The following CDC16 variants were observed in gnomAD, a reference collection of about 807,000 sequenced individuals.
CDC16 encodes the protein cell division cycle 16.
Under a neutral mutation model 87.0 loss-of-function variants are expected in CDC16, and 34 were observed. The observed-to-expected ratio is 0.39, with a 90% confidence interval of 0.30 to 0.52. The LOEUF (loss-of-function observed/expected upper bound fraction) is 0.52. Among genes scored for constraint, CDC16 ranks in the 20% least tolerant of loss-of-function variants. The pLI is 0.74. For missense variants in CDC16, 653 were observed against 751.9 expected, an observed-to-expected ratio of 0.87 and a Z score of 1.54; for synonymous variants, 263 against 260.6, an observed-to-expected ratio of 1.01 and a Z score of -0.09.
intron 6 of CDC16, among the ~76,000 whole-genome samples, 185 bp from the exon 7 acceptor site, chr13:114,243,072 C>T (rs1346001543): frequency 1.3e-5 from 2 of 152,184 alleles, no homozygotes; most frequent in Admixed American, 1.3e-4. Context: ...CCTCCACCCA[C>T]CAGATGATTC....
chr13:114,272,245 A>G lies in CDC16; in HGVS notation c.1665A>G (p.Leu555=). The G allele has an allele frequency of 6.2e-7, 1 of 1,611,034 alleles. No individual in the cohort carries two copies. Residue 555 remains leucine, a synonymous_variant, in exon 18 of 18, where the codon CTA becomes CTG. Transcript: ENST00000356221. ...YDFDVHTMKT[L]KNIISPPWDF... ...TTGATGTGCATACAATGAAGACACT[A>G]AAAAACATTATTTCACCTCCGTGGG... is the stretch of plus-strand genomic sequence containing the variant.
chr13:114,241,586 A>G (rs1388199039), intron 5 of CDC16, among the ~76,000 whole-genome samples: 1 of 152,236 alleles, frequency 6.6e-6, no homozygotes, highest in Non-Finnish European at 1.5e-5. Flanking sequence ...TACTTTTGTT[A>G]TAAAGATGTG....
At chr13:114,242,090 C>G (rs2081581316) in intron 5 of CDC16, 31 bp from the exon 6 acceptor site, 5 of 1,578,668 alleles carry the variant, frequency 3.2e-6, no homozygotes, top group Non-Finnish European at 4.3e-6. Context: ...AAAGTACTGA[C>G]TTAATATGTG....
chr13:114,246,842 T>C (rs1387888682), intron 10 of CDC16, 89 bp from the exon 11 acceptor site: 2 of 806,288 alleles, frequency 2.5e-6, no homozygotes, highest in East Asian at 2.4e-5. Flanking sequence ...GAACATGTAG[T>C]ATACCCTCTG....
chr13:114,237,615 A>G (rs2081320772), intron 3 of CDC16, among the ~76,000 whole-genome samples: 1 of 152,128 alleles, frequency 6.6e-6, no homozygotes, highest in Non-Finnish European at 1.5e-5. Context: ...GTGAAAGTGA[A>G]GGGAAAATGT....
intron 16 of CDC16, chr13:114,264,130 A>G (rs1288708623): frequency 6.6e-6 from 1 of 152,240 alleles, no homozygotes; most frequent in Non-Finnish European, 1.5e-5. Flanking sequence ...AGGTACCATG[A>G]TGGTCACCAG....
At chr13:114,235,928 C>T (rs1261730236) in intron 1 of CDC16, among the ~76,000 whole-genome samples, 4 of 152,158 alleles carry the variant, frequency 2.6e-5, no homozygotes, top group African/African-American at 4.8e-5. Flanking sequence ...CAGCCAGAGA[C>T]ACCGGTATTG....
intron 1 of CDC16, among the ~76,000 whole-genome samples, chr13:114,236,073 A>C (rs1374077696): frequency 6.6e-6 from 1 of 152,232 alleles, no homozygotes; most frequent in Non-Finnish European, 1.5e-5. Context: ...GTCTAAAGCT[A>C]GCCGTAGGTC....
intron 12 of CDC16, among the ~76,000 whole-genome samples, chr13:114,254,048 CACTA>C (rs1442718206): frequency 7.2e-5 from 11 of 152,016 alleles, no homozygotes; most frequent in Admixed American, 2.6e-4. Context: ...TATAAAATAT[CACTA>C]ATTATCTCTA....
At chr13:114,267,553 T>C (rs1334461947) in intron 17 of CDC16, among the ~76,000 whole-genome samples, 2 of 152,192 alleles carry the variant, frequency 1.3e-5, no homozygotes, top group South Asian at 2.1e-4. Flanking sequence ...ATATTAACAG[T>C]ATTTTACATG....
In CDC16 at chr13:114,259,517, CA is replaced by C. The variant is rs563206437; in HGVS notation, c.1314+121del. The C allele has an allele frequency of 1.6e-4, 89 of 565,680 alleles. 4 individuals carry two copies. The South Asian group carries it at 2.7e-3, about 17-fold the overall frequency. The allele number at this position is 565,680 out of a possible 1,614,324, so 35.0% of individuals were successfully genotyped here. ...AGATAGTAACCTGATATTTTCATAA[CA>C]AGCGGCTGTTAATGTTTGCATTGTC... is the stretch of plus-strand genomic sequence containing the variant. On this transcript the variant is annotated intron_variant, in intron 14 of 17. Coordinates refer to ENST00000356221, the MANE Select transcript of CDC16 (RefSeq NM_001078645.3).
At chr13:114,262,176 AAATT>A (rs1376547460) in intron 15 of CDC16, among the ~76,000 whole-genome samples, 3 of 152,344 alleles carry the variant, frequency 2.0e-5, no homozygotes, top group African/African-American at 7.2e-5. Context: ...TTAGTGTTCA[AAATT>A]AATTCAGAAG....
At chr13:114,240,993 T>C (rs1335050025) in intron 5 of CDC16, among the ~76,000 whole-genome samples, 1 of 152,258 alleles carries the variant, frequency 6.6e-6, no homozygotes, top group African/African-American at 2.4e-5. Flanking sequence ...TCATAATTCA[T>C]TATTTTTTCT....
At chr13:114,250,315 A>T (rs1350681190) in intron 11 of CDC16, among the ~76,000 whole-genome samples, 1 of 152,162 alleles carries the variant, frequency 6.6e-6, no homozygotes, top group African/African-American at 2.4e-5. Context: ...CGACATGGTG[A>T]AACCCCATCT....
chr13:114,252,150 A>G (rs1160247690), intron 12 of CDC16, among the ~76,000 whole-genome samples: 2 of 149,558 alleles, frequency 1.3e-5, no homozygotes, highest in African/African-American at 4.9e-5. Context: ...CTGTTGGATA[A>G]GAGCCCTACA....
At chr13:114,242,335 A>G (rs2081592837) in intron 6 of CDC16, 55 bp downstream of exon 6, 1 of 1,538,352 alleles carries the variant, frequency 6.5e-7, no homozygotes. Flanking sequence ...TATTGTTTGG[A>G]TTTTTTGCCT....
intron 11 of CDC16, among the ~76,000 whole-genome samples, chr13:114,249,788 T>C (rs1238716902): frequency 6.6e-6 from 1 of 152,196 alleles, no homozygotes; most frequent in African/African-American, 2.4e-5. Context: ...GGTTACAAAA[T>C]GGAGCTCCTG....
At chr13:114,251,628 A>G (rs527500952) in intron 12 of CDC16, among the ~76,000 whole-genome samples, 57 of 152,336 alleles carry the variant, frequency 3.7e-4, no homozygotes, top group Admixed American at 5.9e-4. Flanking sequence ...CTTGGTAAGT[A>G]TCATAGCTCC....
rs769519231 is a variant in CDC16, at chr13:114,239,405, T to G, written c.296T>G (p.Ile99Ser). ...ALDVLDMEEPINKRLFEKYLK... is the reference protein window; with the variant it reads ...ALDVLDMEEPSNKRLFEKYLK... ...GATGTTCTTGACATGGAAGAGCCCA[T>G]CAATAAAAGATTATTTGAAAAATAC... The change falls in exon 5 of 18, where the codon ATC (isoleucine) becomes AGC (serine). Residue 99 changes from isoleucine to serine, a missense_variant. Transcript: ENST00000356221. 6.2e-7 allele frequency: 1 copy of G among 1,613,402 alleles called. No individual in the cohort carries two copies.
Sources: allele counts gnomAD v4.1 joint callset (sites outside exome capture counted in the v4.1 genomes callset), GRCh38; gene constraint gnomAD v4.1.1; transcripts MANE v1.5; gene names NCBI Gene and HGNC (gene_info 2026-07-23, HGNC 2026-07-21).